Variants in PIGV observed in about 807,000 individuals in gnomAD.
The protein encoded by PIGV is GPI alpha-1,6-mannosyltransferase 2.
PIGV carries 27 observed loss-of-function variants against 39.2 expected under a neutral mutation model. The ratio of observed to expected loss-of-function variants is 0.69; its 90% CI spans 0.51 to 0.95. PIGV has a LOEUF of 0.95. PIGV is among the 40% of genes least tolerant of loss of function. The probability of loss-of-function intolerance (pLI) is 0.00; values close to 1 mark genes in which losing one functional copy is unlikely to be tolerated. For missense variants in PIGV, 523 were observed against 586.4 expected, an observed-to-expected ratio of 0.89 and a Z score of 1.12; for synonymous variants, 232 against 241.7, an observed-to-expected ratio of 0.96 and a Z score of 0.37.
In PIGV at chr1:26,790,810, G is replaced by A. The variant is rs778951824; in HGVS notation, c.-6G>A. The A allele has an allele frequency of 2.5e-6, 4 of 1,613,296 alleles. No homozygotes were observed. The African/African-American group carries it at 4.0e-5, about 16-fold the overall frequency. On this transcript the variant is annotated 5_prime_UTR_variant, in exon 2 of 4. Transcript: ENST00000674202. ...GCAACACCCCTGAATTCCTGGTGGTGAAAGGATGTGGCCCCAGGACCCATC... is the reference window on the plus strand; with the variant it reads ...GCAACACCCCTGAATTCCTGGTGGTAAAAGGATGTGGCCCCAGGACCCATC...
Position 26,794,094 on chromosome 1 carries a change from G to A in PIGV, c.79-19G>A. On this transcript the variant is annotated intron_variant, in intron 2 of 3. Transcript: ENST00000674202. ...TTCCAGTTACTCAACCAAAATTCTG[G>A]TTTTTCTTTACTCCACAGGCCCTCT... 1.2e-6 allele frequency: 2 copies of A among 1,613,630 alleles called. No homozygotes were observed. The highest frequency in any genetic ancestry group is 8.5e-7 in the Non-Finnish European group (1 of 1,179,610).
In PIGV at chr1:26,794,379, G is replaced by A; in HGVS notation, c.345G>A (p.Leu115=). 1 of 1,614,256 alleles carries A rather than the reference G, an allele frequency of 6.2e-7. No individual in the cohort carries two copies. Among genetic ancestry groups the A allele is most frequent in the South Asian group, 1.1e-5 (1 of 91,084 alleles). ...LRGLLSLRSC[L]LISVASLNFL... ...GGTTACTGAGTCTACGCAGTTGCCT[G>A]CTGATTTCGGTAGCATCACTCAATT... The change falls in exon 3 of 4, where the codon CTG becomes CTA. Residue 115 remains leucine (L), a synonymous_variant. Coordinates refer to ENST00000674202, the MANE Select transcript of PIGV (RefSeq NM_017837.4).
In PIGV at chr1:26,798,179, T is replaced by A. The variant is rs2081410912; in HGVS notation, c.*335T>A. 1 of 358,470 alleles carries A rather than the reference T, an allele frequency of 2.8e-6. No homozygotes were observed. The highest frequency in any genetic ancestry group is 2.1e-5 in the African/African-American group (1 of 47,620). 22.2% of individuals were successfully genotyped at this position (358,470 alleles called of 1,614,324 possible). On this transcript the variant is annotated 3_prime_UTR_variant, in exon 4 of 4. Coordinates refer to ENST00000674202, the MANE Select transcript of PIGV (RefSeq NM_017837.4). ...ACCTGTGTGTAAATTTAAATGTCAA[T>A]TTATTGAAGTGTAAATTTCATCAAA...
At position 26,788,052 on chromosome 1, in the gene PIGV, G is replaced by T. The variant is rs573557358; in HGVS notation, c.-274G>T. On this transcript the variant is annotated 5_prime_UTR_variant, in exon 1 of 4. Coordinates refer to ENST00000674202, the MANE Select transcript of PIGV (RefSeq NM_017837.4). Reference sequence around the variant, plus strand: ...CTGAGGACCCCGCGCCAGCTTGGGAGCCCTGGAGTTCTGGCGGGAGGGAAG... The same window carrying T: ...CTGAGGACCCCGCGCCAGCTTGGGATCCCTGGAGTTCTGGCGGGAGGGAAG... The T allele has an allele frequency of 1.3e-5, 2 of 152,524 alleles. No homozygotes were observed. The highest frequency in any genetic ancestry group is 2.1e-4 in the South Asian group (1 of 4,836). 9.4% of individuals were successfully genotyped at this position (152,524 alleles called of 1,614,324 possible).
intron 1 of PIGV, among the ~76,000 whole-genome samples, chr1:26,790,219 T>C (rs183145617): frequency 7.9e-5 from 12 of 152,260 alleles, no homozygotes; most frequent in African/African-American, 2.9e-4. Context: ...CTAGTATGGT[T>C]TTATGCCCCA....
chr1:26,795,709 CAAAAAAAAAAAAA>C (rs1005170504), intron 3 of PIGV, among the ~76,000 whole-genome samples: 4 of 27,838 alleles, frequency 1.4e-4, no homozygotes, highest in South Asian at 1.5e-3. Flanking sequence ...GACTCTATCT[CAAAAAAAAAAAAA>C]AAAAAAAAAA....
intron 1 of PIGV, 21 bp from the exon 2 acceptor site, chr1:26,790,737 AT>A: frequency 8.7e-7 from 1 of 1,155,328 alleles, no homozygotes; most frequent in Non-Finnish European, 1.3e-6. Context: ...GATGTGTGAC[AT>A]TTTCCTCCTT....
Position 26,794,875 on chromosome 1 carries a change from G to A in PIGV, c.841G>A (p.Val281Ile), listed in dbSNP as rs764811792. The change falls in exon 3 of 4, where the codon GTA (valine) becomes ATA (isoleucine). Residue 281 changes from valine (V) to isoleucine (I), a missense_variant. Transcript: ENST00000674202. ...PIPEPLVQLA[V>I]DKGYRIAEGN... ...TCCTGAGCCTTTGGTACAGTTAGCT[G>A]TAGACAAGGGCTACCGGATTGCAGA... is the stretch of plus-strand genomic sequence containing the variant. 35 of 1,614,188 alleles carry A rather than the reference G, an allele frequency of 2.2e-5. No homozygotes were observed. Among genetic ancestry groups the A allele is most frequent in the South Asian group, 1.4e-4 (13 of 91,086 alleles).
intron 3 of PIGV, among the ~76,000 whole-genome samples, chr1:26,795,890 G>A (rs917416301): frequency 1.3e-5 from 2 of 149,266 alleles, no homozygotes; most frequent in Non-Finnish European, 1.5e-5. Context: ...ATGGAGTCTC[G>A]CTCTGTTGCC....
rs1226934532 is a variant in PIGV, at chr1:26,796,164, A to AT, written c.1200+952dup. 9.8e-3 allele frequency among the ~76,000 whole-genome samples: 1,221 copies of AT among 125,080 alleles called. 25 individuals are homozygous for AT. Among genetic ancestry groups the AT allele is most frequent in the African/African-American group, 0.02 (670 of 32,888 alleles). 82.1% of individuals were successfully genotyped at this position (125,080 alleles called of 152,430 possible). A position where few individuals can be genotyped will look rare whatever the true frequency, so the allele number is the denominator to read the frequency against. ...CGTGAGCTACCACGCTCGGCCTGAG[A>AT]TTTTTTTTTTTTTTTTTTTTTTGAG... On this transcript the variant is annotated intron_variant, in intron 3 of 3. Transcript: ENST00000674202.
intron 3 of PIGV, among the ~76,000 whole-genome samples, chr1:26,796,530 G>A (rs556677645): frequency 6.6e-6 from 1 of 152,208 alleles, no homozygotes; most frequent in South Asian, 2.1e-4. Flanking sequence ...TAACTCACTG[G>A]AGTACTTGAG....
chr1:26,792,190 C>G (rs920017804), intron 2 of PIGV, among the ~76,000 whole-genome samples: 1 of 151,944 alleles, frequency 6.6e-6, no homozygotes, highest in African/African-American at 2.4e-5. Context: ...CTCGCCCTGT[C>G]CCCCCAGGCT....
Position 26,795,320 on chromosome 1 carries a change from G to A in PIGV, c.1200+86G>A, listed in dbSNP as rs549318631. ...ACAGGGAAGGCAGCTAACATCTCCC[G>A]TTTGAGTGATCCATACTGAATTTAT... is the stretch of plus-strand genomic sequence containing the variant. On this transcript the variant is annotated intron_variant, in intron 3 of 3. Transcript: ENST00000674202. 39 of 1,448,684 alleles carry A rather than the reference G, an allele frequency of 2.7e-5. No homozygotes were observed. In the Middle Eastern group the frequency reaches 9.0e-4, roughly 33 times the overall value. 89.7% of individuals were successfully genotyped at this position (1,448,684 alleles called of 1,614,324 possible).
intron 1 of PIGV, among the ~76,000 whole-genome samples, chr1:26,789,749 A>C (rs958935263): frequency 4.6e-5 from 7 of 152,222 alleles, no homozygotes; most frequent in African/African-American, 1.7e-4. Context: ...TTCGCCAGAT[A>C]AGAGAAGAAA....
intron 3 of PIGV, among the ~76,000 whole-genome samples, chr1:26,796,164 A>ATTT (rs1226934532): frequency 8.8e-5 from 11 of 125,100 alleles, no homozygotes; most frequent in African/African-American, 1.2e-4. Flanking sequence ...TCGGCCTGAG[A>ATTT]TTTTTTTTTT....
intron 1 of PIGV, chr1:26,788,552 C>G (rs1335952220): frequency 1.3e-5 from 2 of 152,304 alleles, no homozygotes; most frequent in African/African-American, 4.8e-5. Flanking sequence ...CTGGGCTAGG[C>G]GTTTGGGTGA....
Position 26,798,239 on chromosome 1 carries a change from A to G in PIGV, c.*395A>G, listed in dbSNP as rs940121698. 2 of 310,954 alleles carry G rather than the reference A, an allele frequency of 6.4e-6. No individual in the cohort carries two copies. The highest frequency in any genetic ancestry group is 6.3e-6 in the Non-Finnish European group (1 of 159,962). The allele number at this position is 310,954 out of a possible 1,614,324, so 19.3% of individuals were successfully genotyped here. A position where few individuals can be genotyped will look rare whatever the true frequency, so the allele number is the denominator to read the frequency against. ...TGACAGGCTGGTAACAGTCCACACA[A>G]GATGGTATAGGCCTGAACAGTGTAG... On this transcript the variant is annotated 3_prime_UTR_variant, in exon 4 of 4. Transcript: ENST00000674202.
At chr1:26,792,001 T>C (rs1041205020) in intron 2 of PIGV, among the ~76,000 whole-genome samples, 12 of 152,220 alleles carry the variant, frequency 7.9e-5, no homozygotes, top group African/African-American at 2.9e-4. Context: ...ATTCGGGTGG[T>C]AATTTTGGAA....
chr1:26,797,335 G>A (rs2081396927), intron 3 of PIGV, among the ~76,000 whole-genome samples: 1 of 152,188 alleles, frequency 6.6e-6, no homozygotes, highest in Non-Finnish European at 1.5e-5. Context: ...AGTAATTAAT[G>A]TAATTAGTCT....
Sources: gnomAD v4.1 joint callset for allele counts (sites outside exome capture counted in the v4.1 genomes callset) on GRCh38, gnomAD v4.1.1 for gene constraint, MANE v1.5 for transcripts, NCBI Gene and HGNC (gene_info 2026-07-23, HGNC 2026-07-21) for gene names.